PRDM11: variants seen among roughly 807,000 people sequenced by gnomAD.
PRDM11 encodes the protein PR domain-containing protein 11.
A neutral mutation model predicts 97.8 loss-of-function variants in PRDM11; 20 were observed. The ratio of observed to expected loss-of-function variants is 0.20; its 90% CI spans 0.14 to 0.30. The LOEUF (loss-of-function observed/expected upper bound fraction) is 0.30, where lower values mean the gene tolerates loss of function less well. PRDM11 is among the 10% of genes least tolerant of loss of function. The probability of loss-of-function intolerance (pLI) is 1.00; values close to 1 mark genes in which losing one functional copy is unlikely to be tolerated. For synonymous variants in PRDM11, 599 were observed against 637.7 expected (o/e 0.94, Z 0.91); for missense variants, 1,139 against 1,555.2 (o/e 0.73, Z 4.50).
intron 1 of PRDM11, among the ~76,000 whole-genome samples, chr11:45,179,084 G>T (rs910364888): frequency 2.0e-5 from 3 of 152,168 alleles, no homozygotes; most frequent in African/African-American, 7.2e-5. Flanking sequence ...GACTCAGCAA[G>T]TTCACAGGCC....
At chr11:45,177,280 C>G (rs775932707) in intron 1 of PRDM11, among the ~76,000 whole-genome samples, 9 of 152,258 alleles carry the variant, frequency 5.9e-5, no homozygotes, top group Non-Finnish European at 1.0e-4. Context: ...AGCCTAATCT[C>G]TGCATGTGCA....
chr11:45,144,196 C>T (rs916172862), upstream of PRDM11, among the ~76,000 whole-genome samples: 1 of 152,196 alleles, frequency 6.6e-6, no homozygotes, highest in Non-Finnish European at 1.5e-5. Flanking sequence ...AATATAGAAC[C>T]CCTGGTCCCA....
intron 1 of PRDM11, among the ~76,000 whole-genome samples, chr11:45,110,614 C>G (rs10838413): frequency 6.6e-6 from 1 of 152,080 alleles, no homozygotes; most frequent in African/African-American, 2.4e-5. Context: ...CTGGCCTCCC[C>G]GGCGCAACGA....
At chr11:45,218,157 C>A (rs1854011578) in intron 5 of PRDM11, among the ~76,000 whole-genome samples, 1 of 152,090 alleles carries the variant, frequency 6.6e-6, no homozygotes, top group Non-Finnish European at 1.5e-5. Context: ...TAGTATTAGA[C>A]ATTTAAATGT....
intron 5 of PRDM11, among the ~76,000 whole-genome samples, chr11:45,210,175 T>C (rs1194047778): frequency 6.6e-6 from 1 of 152,120 alleles, no homozygotes; most frequent in Non-Finnish European, 1.5e-5. Flanking sequence ...CTATTATTAC[T>C]CCCCTGCCTG....
At chr11:45,162,687 C>T (rs144498157) in intron 1 of PRDM11, among the ~76,000 whole-genome samples, 1 of 152,256 alleles carries the variant, frequency 6.6e-6, no homozygotes, top group East Asian at 1.9e-4. Flanking sequence ...TTCCCAAGAT[C>T]ATATTGGAGG....
At chr11:45,106,735 T>A (rs1165231455) in intron 1 of PRDM11, among the ~76,000 whole-genome samples, 1 of 152,170 alleles carries the variant, frequency 6.6e-6, no homozygotes, top group Non-Finnish European at 1.5e-5. Flanking sequence ...GTCTGTGAGT[T>A]CTTTTTAGCA....
At chr11:45,103,226 G>A (rs540276289) in intron 1 of PRDM11, among the ~76,000 whole-genome samples, 9 of 152,212 alleles carry the variant, frequency 5.9e-5, no homozygotes, top group African/African-American at 1.4e-4. Context: ...TGACCACCCC[G>A]CCGGGCCTGC....
At chr11:45,194,310 C>T (rs886356820) in intron 4 of PRDM11, among the ~76,000 whole-genome samples, 1 of 152,070 alleles carries the variant, frequency 6.6e-6, no homozygotes, top group African/African-American at 2.4e-5. Flanking sequence ...TCCAAAGACC[C>T]TAGTTTGAGA....
At chr11:45,166,620 A>G (rs895409488) in intron 1 of PRDM11, among the ~76,000 whole-genome samples, 18 of 152,368 alleles carry the variant, frequency 1.2e-4, no homozygotes, top group African/African-American at 4.1e-4. Context: ...TTGTTCACCC[A>G]TGGTTCCTAG....
upstream of PRDM11, among the ~76,000 whole-genome samples, chr11:45,094,418 G>A (rs1445656767): frequency 2.0e-5 from 3 of 151,812 alleles, no homozygotes; most frequent in Non-Finnish European, 4.4e-5. Context: ...AGGGACCCCA[G>A]AGTGGGGCAT....
chr11:45,187,799 C>CGTGTGTGTGTGT (rs61613469), intron 4 of PRDM11, among the ~76,000 whole-genome samples: 22 of 147,200 alleles, frequency 1.5e-4, no homozygotes, highest in South Asian at 8.8e-4. Flanking sequence ...AAGAAAAGTT[C>CGTGTGTGTGTGT]GTGTGTGTGT....
chr11:45,162,061 G>T (rs779833145), intron 1 of PRDM11, among the ~76,000 whole-genome samples: 5 of 152,220 alleles, frequency 3.3e-5, no homozygotes, highest in Non-Finnish European at 7.3e-5. Flanking sequence ...GGGCAGTGGC[G>T]TGTGTGTTCA....
intron 1 of PRDM11, among the ~76,000 whole-genome samples, chr11:45,157,017 G>A (rs948908967): frequency 7.2e-5 from 11 of 152,254 alleles, no homozygotes; most frequent in African/African-American, 2.6e-4. Flanking sequence ...GGCCTTGAAT[G>A]CTGTGTGAAG....
intron 4 of PRDM11, among the ~76,000 whole-genome samples, chr11:45,188,243 T>C (rs1266342842): frequency 6.6e-6 from 1 of 152,236 alleles, no homozygotes. Flanking sequence ...CAGTGCTTTA[T>C]AGCATAATCT....
chr11:45,095,769 G>A (rs1388904830), upstream of PRDM11: 2 of 717,890 alleles, frequency 2.8e-6, no homozygotes, highest in East Asian at 4.9e-5. Context: ...GATGGCTACA[G>A]CTGGGGCACC....
intron 1 of PRDM11, among the ~76,000 whole-genome samples, chr11:45,174,938 G>C (rs1188914013): frequency 6.6e-6 from 1 of 152,154 alleles, no homozygotes; most frequent in Non-Finnish European, 1.5e-5. Flanking sequence ...TGTTTTAATG[G>C]AATTATTTTG....
intron 1 of PRDM11, among the ~76,000 whole-genome samples, chr11:45,124,714 T>C (rs1001382442): frequency 3.6e-4 from 55 of 152,324 alleles, no homozygotes; most frequent in Non-Finnish European, 5.3e-4. Context: ...GGATAAGCTT[T>C]TTGATGTGCT....
intron 1 of PRDM11, among the ~76,000 whole-genome samples, chr11:45,179,984 A>C (rs922588548): frequency 6.6e-6 from 1 of 152,204 alleles, no homozygotes; most frequent in East Asian, 1.9e-4. Flanking sequence ...TGGCAGCTGG[A>C]CTTCTGAGCT....
Sources: allele counts gnomAD v4.1 joint callset (sites outside exome capture counted in the v4.1 genomes callset), GRCh38; gene constraint gnomAD v4.1.1; transcripts MANE v1.5; gene names NCBI Gene and HGNC (gene_info 2026-07-23, HGNC 2026-07-21).